ALCAM: variants seen among roughly 807,000 people sequenced by gnomAD.
ALCAM encodes the protein CD166 antigen.
Under a neutral mutation model 70.9 loss-of-function variants are expected in ALCAM, and 30 were observed. The ratio of observed to expected loss-of-function variants is 0.42; its 90% CI spans 0.32 to 0.57. ALCAM has a LOEUF of 0.57. Ranked by LOEUF, ALCAM falls within the 20% of genes least tolerant of loss-of-function variation. The probability of loss-of-function intolerance (pLI) is 0.11; values close to 1 mark genes in which losing one functional copy is unlikely to be tolerated. For missense variants in ALCAM, 591 were observed against 695.1 expected (o/e 0.85, Z 1.68); for synonymous variants, 249 against 242.5 (o/e 1.03, Z -0.25).
rs188498273 is a variant in ALCAM, at chr3:105,419,457, G to A, written c.73+51976G>A. On this transcript the variant is annotated intron_variant, in intron 1 of 15. Coordinates refer to ENST00000306107, the MANE Select transcript of ALCAM (RefSeq NM_001627.4). Reference sequence around the variant, plus strand: ...TTCTAGAGCACTAATGGGAAAATGAGGAAGTACATCAAGAAAGGGCTAAAC... The same window carrying A: ...TTCTAGAGCACTAATGGGAAAATGAAGAAGTACATCAAGAAAGGGCTAAAC... Among the ~76,000 whole-genome samples the A allele has an allele frequency of 1.9e-4, 29 of 151,902 alleles. No homozygotes were observed. In the East Asian group the frequency reaches 5.4e-3, roughly 28 times the overall value.
At chr3:105,522,980 A>C (rs1454777716) in intron 2 of ALCAM, among the ~76,000 whole-genome samples, 2 of 152,084 alleles carry the variant, frequency 1.3e-5, no homozygotes, top group African/African-American at 4.8e-5. Context: ...TCTACTAAAA[A>C]TACAAAAAAA....
chr3:105,491,049 T>C (rs1206383129), intron 1 of ALCAM, among the ~76,000 whole-genome samples: 1 of 152,192 alleles, frequency 6.6e-6, no homozygotes, highest in Non-Finnish European at 1.5e-5. Flanking sequence ...CCATATATCC[T>C]CTGAAATCTA....
At chr3:105,454,568 A>T (rs1404118029) in intron 1 of ALCAM, among the ~76,000 whole-genome samples, 1 of 151,912 alleles carries the variant, frequency 6.6e-6, no homozygotes, top group Non-Finnish European at 1.5e-5. Context: ...TCTAATTAGA[A>T]ACAGAGGTTA....
chr3:105,418,924 TTTTC>T (rs1294689937), intron 1 of ALCAM, among the ~76,000 whole-genome samples: 1 of 151,718 alleles, frequency 6.6e-6, no homozygotes, highest in Admixed American at 6.6e-5. Flanking sequence ...ATTTCTACCA[TTTTC>T]TTTCTTTCTT....
intron 7 of ALCAM, among the ~76,000 whole-genome samples, chr3:105,541,247 T>C (rs143844184): frequency 6.6e-6 from 1 of 151,332 alleles, no homozygotes; most frequent in Non-Finnish European, 1.5e-5. Context: ...CTTCCTTTTA[T>C]GTTTTTTCTT....
chr3:105,423,508 A>G (rs1936719550), intron 1 of ALCAM, among the ~76,000 whole-genome samples: 1 of 150,850 alleles, frequency 6.6e-6, no homozygotes, highest in Admixed American at 6.6e-5. Context: ...GAAAAAAAAA[A>G]AAAAGAAAAC....
chr3:105,457,928 A>G (rs1437413579), intron 1 of ALCAM, among the ~76,000 whole-genome samples: 1 of 152,142 alleles, frequency 6.6e-6, no homozygotes, highest in Non-Finnish European at 1.5e-5. Flanking sequence ...CGTATCCTGA[A>G]TGTTTAGTTA....
At chr3:105,369,638 G>C (rs1306223681) in intron 1 of ALCAM, among the ~76,000 whole-genome samples, 1 of 152,140 alleles carries the variant, frequency 6.6e-6, no homozygotes, top group Admixed American at 6.5e-5. Context: ...GTGGGGGCGC[G>C]GTGCCAAAGG....
intron 1 of ALCAM, among the ~76,000 whole-genome samples, chr3:105,517,041 A>G (rs1939401070): frequency 6.6e-6 from 1 of 152,090 alleles, no homozygotes. Context: ...TCGAGTTGAC[A>G]GGTACTTTGG....
chr3:105,491,872 C>T (rs1331715814), intron 1 of ALCAM, among the ~76,000 whole-genome samples: 1 of 152,196 alleles, frequency 6.6e-6, no homozygotes, highest in East Asian at 1.9e-4. Context: ...CTGAACCCCC[C>T]AAATGGTTCC....
At chr3:105,475,967 C>T (rs1298448473) in intron 1 of ALCAM, among the ~76,000 whole-genome samples, 2 of 151,938 alleles carry the variant, frequency 1.3e-5, no homozygotes, top group African/African-American at 4.8e-5. Flanking sequence ...TGTTATGTCC[C>T]CACATCCTCA....
At chr3:105,383,051 C>T (rs1329396513) in intron 1 of ALCAM, among the ~76,000 whole-genome samples, 2 of 151,718 alleles carry the variant, frequency 1.3e-5, no homozygotes, top group Non-Finnish European at 2.9e-5. Flanking sequence ...TTGTTATTCA[C>T]GTCTCTGTCT....
chr3:105,569,561 A>G (rs1418688884), intron 14 of ALCAM, among the ~76,000 whole-genome samples: 1 of 152,152 alleles, frequency 6.6e-6, no homozygotes, highest in Non-Finnish European at 1.5e-5. Flanking sequence ...CTGGGTATGT[A>G]TGGACTTCAT....
At chr3:105,477,062 A>G (rs1020908216) in intron 1 of ALCAM, among the ~76,000 whole-genome samples, 7 of 152,014 alleles carry the variant, frequency 4.6e-5, no homozygotes, top group Admixed American at 1.3e-4. Flanking sequence ...GCCTCCCACC[A>G]TGATTCTGAG....
chr3:105,498,023 T>A (rs1938804272), intron 1 of ALCAM, among the ~76,000 whole-genome samples: 1 of 145,854 alleles, frequency 6.9e-6, no homozygotes, highest in Non-Finnish European at 1.5e-5. Context: ...AGAGCGAGAC[T>A]CTGCCTCAAA....
chr3:105,503,551 C>T (rs1353630267), intron 1 of ALCAM, among the ~76,000 whole-genome samples: 1 of 149,540 alleles, frequency 6.7e-6, no homozygotes, highest in East Asian at 2.0e-4. Flanking sequence ...TTACCTTCCC[C>T]GAGTCCCTTC....
intron 1 of ALCAM, among the ~76,000 whole-genome samples, chr3:105,387,232 C>A (rs976382665): frequency 6.6e-6 from 1 of 150,528 alleles, no homozygotes; most frequent in African/African-American, 2.4e-5. Flanking sequence ...TCCTTCCCAC[C>A]CTCACACACA....
At chr3:105,553,212 C>A in intron 14 of ALCAM, 4 of 678,252 alleles carry the variant, frequency 5.9e-6, no homozygotes, top group Non-Finnish European at 5.5e-6. Flanking sequence ...ATGAACCTTA[C>A]AAATTATCTA....
At chr3:105,466,079 T>G (rs946279277) in intron 1 of ALCAM, among the ~76,000 whole-genome samples, 2 of 151,516 alleles carry the variant, frequency 1.3e-5, no homozygotes, top group Admixed American at 1.3e-4. Context: ...ATCTATTTTT[T>G]AAAATTTATT....
Sources: gnomAD v4.1 joint callset for allele counts (sites outside exome capture counted in the v4.1 genomes callset) on GRCh38, gnomAD v4.1.1 for gene constraint, MANE v1.5 for transcripts, NCBI Gene and HGNC (gene_info 2026-07-23, HGNC 2026-07-21) for gene names.